Variants in FERMT2 observed in about 807,000 individuals in gnomAD.
FERMT2 encodes the protein fermitin family homolog 2.
A neutral mutation model predicts 82.7 loss-of-function variants in FERMT2; 15 were observed. The observed-to-expected ratio is 0.18, with a 90% CI of 0.12 to 0.28. FERMT2 has a LOEUF of 0.28. Ranked by LOEUF, FERMT2 falls within the 10% of genes least tolerant of loss-of-function variation. The pLI is 1.00. For synonymous variants in FERMT2, 274 were observed against 271.5 expected (o/e 1.01, Z -0.09); for missense variants, 645 against 809.4 (o/e 0.80, Z 2.46).
chr14:52,930,513 T>C (rs1027473424), intron 2 of FERMT2, among the ~76,000 whole-genome samples: 12 of 151,724 alleles, frequency 7.9e-5, no homozygotes, highest in Non-Finnish European at 1.8e-4. Flanking sequence ...CTGCAGAGAG[T>C]GAGTTGGATG....
At chr14:52,905,762 G>A (rs912520554) in intron 3 of FERMT2, among the ~76,000 whole-genome samples, 4 of 152,188 alleles carry the variant, frequency 2.6e-5, no homozygotes, top group African/African-American at 9.6e-5. Flanking sequence ...GGAAGAGGGA[G>A]CACAGAGATT....
chr14:52,864,611 A>G lies in FERMT2; in HGVS notation c.1392T>C (p.Tyr464=), dbSNP rs1367485879. The change falls in exon 12 of 15, where the codon TAT becomes TAC. Residue 464 remains tyrosine, a synonymous_variant. Coordinates refer to ENST00000341590, the MANE Select transcript of FERMT2 (RefSeq NM_006832.3). ...IWLRCDNEKQ[Y]AHWMAACRLA... is the part of the protein sequence containing the mutation. The stretch of plus-strand genomic sequence containing the variant: ...ATCTGCAGGCTGCCATCCAGTGTGC[A>G]TACTGTTTTTCCTGGAGAAAAGAAA... The G allele has an allele frequency of 5.6e-6, 9 of 1,614,128 alleles. No individual in the cohort carries two copies. Among genetic ancestry groups the G allele is most frequent in the Non-Finnish European group, 6.8e-6 (8 of 1,179,944 alleles).
At position 52,950,562 on chromosome 14, in the gene FERMT2, G is replaced by A. The variant is rs1890582653; in HGVS notation, c.7C>T (p.Leu3=). Residue 3 remains leucine, a synonymous_variant, in exon 2 of 15, where the codon CTG becomes TTG. Transcript: ENST00000341590. ...CCATCTGGCATCCTTATCCCGTCCAGAGCCATGGCTCCTTCCTGCGAGCGC... is the reference window on the plus strand; with the variant it reads ...CCATCTGGCATCCTTATCCCGTCCAAAGCCATGGCTCCTTCCTGCGAGCGC... MA[L]DGIRMPDGCY... 1.2e-6 allele frequency: 2 copies of A among 1,613,552 alleles called. No individual in the cohort carries two copies. Among genetic ancestry groups the A allele is most frequent in the Non-Finnish European group, 1.7e-6 (2 of 1,179,780 alleles).
intron 2 of FERMT2, among the ~76,000 whole-genome samples, chr14:52,947,125 T>G (rs927576401): frequency 6.6e-6 from 1 of 152,242 alleles, no homozygotes; most frequent in South Asian, 2.1e-4. Context: ...TCATGACATA[T>G]GCTTTTGCTT....
At chr14:52,870,991 C>T (rs1175475342) in intron 10 of FERMT2, among the ~76,000 whole-genome samples, 1 of 152,170 alleles carries the variant, frequency 6.6e-6, no homozygotes, top group Non-Finnish European at 1.5e-5. Flanking sequence ...AATATGTGTA[C>T]GTACAAATGT....
chr14:52,868,210 T>C (rs1229476869), intron 10 of FERMT2, among the ~76,000 whole-genome samples: 3 of 115,340 alleles, frequency 2.6e-5, no homozygotes, highest in East Asian at 5.3e-4. Context: ...CAAAACTCTC[T>C]AGGCATTTTT....
At position 52,906,711 on chromosome 14, in the gene FERMT2, C is replaced by A. The variant is rs557145867; in HGVS notation, c.391+12412G>T. On this transcript the variant is annotated intron_variant, in intron 3 of 14. Coordinates refer to ENST00000341590, the MANE Select transcript of FERMT2 (RefSeq NM_006832.3). The stretch of plus-strand genomic sequence containing the variant: ...AAACTTCTAGTGATGAAAAAAACAT[C>A]TTAAATGAAAAAGGCACTGGATGGG... 9.9e-5 allele frequency among the ~76,000 whole-genome samples: 15 copies of A among 151,756 alleles called. 1 individual carries two copies. In the South Asian group the frequency reaches 3.1e-3, roughly 32 times the overall value.
At chr14:52,896,481 G>A (rs959508369) in intron 3 of FERMT2, among the ~76,000 whole-genome samples, 1 of 152,080 alleles carries the variant, frequency 6.6e-6, no homozygotes. Flanking sequence ...ACAATTTAAG[G>A]TGGAAGCACA....
chr14:52,901,271 ACT>A (rs1266952672), intron 3 of FERMT2, among the ~76,000 whole-genome samples: 2 of 96,322 alleles, frequency 2.1e-5, no homozygotes, highest in Non-Finnish European at 3.8e-5. Context: ...ACAGAGCGAG[ACT>A]CTGTCTCAAA....
intron 4 of FERMT2, among the ~76,000 whole-genome samples, chr14:52,887,414 G>C (rs1182339441): frequency 1.3e-5 from 2 of 152,050 alleles, no homozygotes; most frequent in Non-Finnish European, 2.9e-5. Flanking sequence ...TTGGGAGGCG[G>C]AGGGAGGAGG....
At chr14:52,871,458 T>C (rs1394507612) in intron 10 of FERMT2, 3 of 152,282 alleles carry the variant, frequency 2.0e-5, no homozygotes, top group East Asian at 3.9e-4. Context: ...CCAGGTGATT[T>C]TATTGAAAAG....
At position 52,860,455 on chromosome 14, in the gene FERMT2, C is replaced by T; in HGVS notation, c.1613G>A (p.Arg538Lys). The change falls in exon 13 of 15, where the codon AGA becomes AAA. Residue 538 changes from arginine to lysine, a missense_variant. Coordinates refer to ENST00000341590, the MANE Select transcript of FERMT2 (RefSeq NM_006832.3). ...KKYKNKQITA[R>K]ILEAHQNVAQ... ...TACATTCTGATGGGCCTCCAAGATTCTCGCTGTTATCTAAACATGAGTAAA... is the reference window on the plus strand; with the variant it reads ...TACATTCTGATGGGCCTCCAAGATTTTCGCTGTTATCTAAACATGAGTAAA... 6.2e-7 allele frequency: 1 copy of T among 1,612,604 alleles called. No individual in the cohort carries two copies. Among genetic ancestry groups the T allele is most frequent in the Non-Finnish European group, 8.5e-7 (1 of 1,179,328 alleles).
At chr14:52,891,595 A>AT in intron 4 of FERMT2, among the ~76,000 whole-genome samples, 1 of 152,316 alleles carries the variant, frequency 6.6e-6, no homozygotes, top group East Asian at 1.9e-4. Flanking sequence ...ATGGGTTTCC[A>AT]TGGGTAAAGT....
intron 3 of FERMT2, among the ~76,000 whole-genome samples, chr14:52,902,868 C>CAAAAAAAAAAAAAAAA (rs1252336097): frequency 7.2e-4 from 4 of 5,538 alleles, no homozygotes; most frequent in Non-Finnish European, 1.0e-3. Flanking sequence ...GACTCCGTCT[C>CAAAAAAAAAAAAAAAA]AAAAAAAAAA....
chr14:52,930,690 G>A (rs1225118194), intron 2 of FERMT2, among the ~76,000 whole-genome samples: 1 of 152,060 alleles, frequency 6.6e-6, no homozygotes, highest in Non-Finnish European at 1.5e-5. Flanking sequence ...TTAGGCCTGG[G>A]TTTCTTTTCT....
intron 7 of FERMT2, among the ~76,000 whole-genome samples, chr14:52,877,404 A>G (rs112023748): frequency 0.019 from 2,835 of 152,174 alleles, 74 homozygotes; most frequent in African/African-American, 0.063. Flanking sequence ...AATTCACCAG[A>G]GAGTCAGAAT....
intron 10 of FERMT2, among the ~76,000 whole-genome samples, chr14:52,868,349 C>T (rs969499617): frequency 6.6e-6 from 1 of 151,994 alleles, no homozygotes; most frequent in Non-Finnish European, 1.5e-5. Flanking sequence ...CTTGGCTCTC[C>T]ATCCCCGATG....
At position 52,866,040 on chromosome 14, in the gene FERMT2, TG is replaced by T. The variant is rs537220894; in HGVS notation, c.1274-1188del. On this transcript the variant is annotated intron_variant, in intron 10 of 14. Transcript: ENST00000341590. The stretch of plus-strand genomic sequence containing the variant: ...AATGTGCAAAGTTGAAACAGTTGTT[TG>T]AAAGTACACAATCTTTTGCACAAAT... 1.6e-4 allele frequency among the ~76,000 whole-genome samples: 25 copies of T among 152,362 alleles called. 1 individual carries two copies. The South Asian group carries it at 3.9e-3, about 24-fold the overall frequency.
chr14:52,938,635 C>T (rs749089421), intron 2 of FERMT2, among the ~76,000 whole-genome samples: 1 of 152,030 alleles, frequency 6.6e-6, no homozygotes. Flanking sequence ...GGTGCGATCT[C>T]GGCTCAGTGC....
Sources: allele counts gnomAD v4.1 joint callset (sites outside exome capture counted in the v4.1 genomes callset), GRCh38; gene constraint gnomAD v4.1.1; transcripts MANE v1.5; gene names NCBI Gene and HGNC (gene_info 2026-07-23, HGNC 2026-07-21).